BNC2: variants seen among roughly 807,000 people sequenced by gnomAD.
The protein encoded by BNC2 is zinc finger protein basonuclin-2.
BNC2 carries 20 observed loss-of-function variants against 76.3 expected under a neutral mutation model. The ratio of observed to expected loss-of-function variants is 0.26; its 90% CI spans 0.18 to 0.38. The LOEUF (loss-of-function observed/expected upper bound fraction) is 0.38, where lower values mean the gene tolerates loss of function less well. Among genes scored for constraint, BNC2 ranks in the 10% least tolerant of loss-of-function variants. The probability of loss-of-function intolerance (pLI) is 1.00; values close to 1 mark genes in which losing one functional copy is unlikely to be tolerated. For missense variants in BNC2, 1,382 were observed against 1,399.8 expected, an observed-to-expected ratio of 0.99 and a Z score of 0.20; for synonymous variants, 582 against 514.8, an observed-to-expected ratio of 1.13 and a Z score of -1.77.
At chr9:16,614,507 G>A (rs1476672791) in intron 3 of BNC2, among the ~76,000 whole-genome samples, 1 of 150,482 alleles carries the variant, frequency 6.6e-6, no homozygotes, top group Non-Finnish European at 1.5e-5. Context: ...CCATGTAAAT[G>A]CCTTCACTAT....
At chr9:16,616,231 A>G (rs1326192991) in intron 3 of BNC2, among the ~76,000 whole-genome samples, 1 of 151,936 alleles carries the variant, frequency 6.6e-6, no homozygotes, top group Admixed American at 6.6e-5. Context: ...TACATAATAA[A>G]AAATAAATAA....
intron 6 of BNC2, among the ~76,000 whole-genome samples, chr9:16,420,575 A>G (rs2119079085): frequency 6.6e-6 from 1 of 152,254 alleles, no homozygotes; most frequent in East Asian, 1.9e-4. Flanking sequence ...AAGCACAACA[A>G]TAACATAGGG....
At position 16,415,102 on chromosome 9, in the gene BNC2, A is replaced by G. The variant is rs757507137; in HGVS notation, c.*3887T>C. ...TGTTTGCCATGTTGAAAAGGAAAACATTAACACCTTTAAACCTTTAAAAGG... is the reference window on the plus strand; with the variant it reads ...TGTTTGCCATGTTGAAAAGGAAAACGTTAACACCTTTAAACCTTTAAAAGG... On this transcript the variant is annotated 3_prime_UTR_variant, in exon 7 of 7. Coordinates refer to ENST00000380672, the MANE Select transcript of BNC2 (RefSeq NM_017637.6). The G allele has an allele frequency of 6.6e-6, 1 of 152,202 alleles. No individual in the cohort carries two copies. Among genetic ancestry groups the G allele is most frequent in the Non-Finnish European group, 1.5e-5 (1 of 68,044 alleles). The allele number at this position is 152,202 out of a possible 1,614,324, so 9.4% of individuals were successfully genotyped here.
In BNC2 at chr9:16,639,257, A is replaced by C. The variant is rs1378901079; in HGVS notation, c.331-56172T>G. Among the ~76,000 whole-genome samples, 6 of 152,326 alleles carry C rather than the reference A, an allele frequency of 3.9e-5. No individual in the cohort carries two copies. In the East Asian group the frequency reaches 7.7e-4, roughly 20 times the overall value. Reference sequence around the variant, plus strand: ...ACAGAAATAATGAAAATTTATATTCATAACAATGTTGTTATTGGTCTCTGT... The same window carrying C: ...ACAGAAATAATGAAAATTTATATTCCTAACAATGTTGTTATTGGTCTCTGT... On this transcript the variant is annotated intron_variant, in intron 3 of 6. Coordinates refer to ENST00000380672, the MANE Select transcript of BNC2 (RefSeq NM_017637.6).
intron 1 of BNC2, among the ~76,000 whole-genome samples, chr9:16,846,874 T>G (rs1245551100): frequency 6.6e-6 from 1 of 152,204 alleles, no homozygotes; most frequent in African/African-American, 2.4e-5. Flanking sequence ...GCCATCAATT[T>G]CCAATTCACA....
At position 16,469,992 on chromosome 9, in the gene BNC2, C is replaced by CTTT. The variant is rs201134930; in HGVS notation, c.670-32471_670-32469dup. On this transcript the variant is annotated intron_variant, in intron 5 of 6. Transcript: ENST00000380672. ...ACACTTGCATGCTGCTAATGGCATT[C>CTTT]TTTTTTTTTTTTTTTTTTTTTTTGA... 2.6e-3 allele frequency among the ~76,000 whole-genome samples: 297 copies of CTTT among 114,940 alleles called. 5 individuals carry two copies. The highest frequency in any genetic ancestry group is 5.5e-3 in the African/African-American group (149 of 27,338). 75.4% of individuals were successfully genotyped at this position (114,940 alleles called of 152,430 possible). A position where few individuals can be genotyped will look rare whatever the true frequency, so the allele number is the denominator to read the frequency against.
chr9:16,491,703 C>T (rs1467931946), intron 5 of BNC2, among the ~76,000 whole-genome samples: 3 of 152,146 alleles, frequency 2.0e-5, no homozygotes, highest in Non-Finnish European at 4.4e-5. Context: ...ATACCTTGTT[C>T]ACATGTGCAC....
At chr9:16,543,797 T>C (rs568196702) in intron 5 of BNC2, among the ~76,000 whole-genome samples, 1 of 152,290 alleles carries the variant, frequency 6.6e-6, no homozygotes, top group African/African-American at 2.4e-5. Context: ...TCACGGTAAC[T>C]TTAAAACCAA....
At chr9:16,611,939 CTCTT>C (rs1820558894) in intron 3 of BNC2, among the ~76,000 whole-genome samples, 1 of 152,142 alleles carries the variant, frequency 6.6e-6, no homozygotes, top group African/African-American at 2.4e-5. Flanking sequence ...ATAACCTAGT[CTCTT>C]TCTTCTAACT....
intron 1 of BNC2, among the ~76,000 whole-genome samples, chr9:16,797,805 T>G (rs1038226117): frequency 6.6e-6 from 1 of 151,992 alleles, no homozygotes; most frequent in Non-Finnish European, 1.5e-5. Context: ...ACAACTCCAG[T>G]CTACCAGTGT....
intron 3 of BNC2, among the ~76,000 whole-genome samples, chr9:16,620,697 A>C (rs1346870628): frequency 6.6e-6 from 1 of 152,208 alleles, no homozygotes; most frequent in African/African-American, 2.4e-5. Flanking sequence ...TTTCAGTGTT[A>C]AGTGCAGAAA....
chr9:16,507,451 C>T (rs949615465), intron 5 of BNC2, among the ~76,000 whole-genome samples: 3 of 151,792 alleles, frequency 2.0e-5, no homozygotes, highest in South Asian at 2.1e-4. Flanking sequence ...TTTTTTGAGA[C>T]GAAGTCTCAC....
At chr9:16,528,959 G>A (rs536953368) in intron 5 of BNC2, among the ~76,000 whole-genome samples, 1 of 152,206 alleles carries the variant, frequency 6.6e-6, no homozygotes, top group Non-Finnish European at 1.5e-5. Flanking sequence ...CAATTGAGGT[G>A]TGAGTAGGGC....
intron 5 of BNC2, among the ~76,000 whole-genome samples, chr9:16,522,924 T>C (rs1287296948): frequency 6.6e-6 from 1 of 152,024 alleles, no homozygotes; most frequent in East Asian, 1.9e-4. Context: ...CCTAAAACCA[T>C]GATGGGAAAG....
At chr9:16,665,137 G>T (rs564015594) in intron 3 of BNC2, 2 of 452,444 alleles carry the variant, frequency 4.4e-6, no homozygotes, top group East Asian at 1.4e-4. Context: ...GGAAGTCCAA[G>T]ACGGGTGGAT....
intron 1 of BNC2, among the ~76,000 whole-genome samples, chr9:16,848,778 A>G (rs1023660604): frequency 7.9e-5 from 12 of 152,216 alleles, no homozygotes; most frequent in Admixed American, 7.2e-4. Flanking sequence ...AAATCATAAA[A>G]TGCTCTAAAA....
intron 5 of BNC2, among the ~76,000 whole-genome samples, chr9:16,505,127 T>C (rs1043724336): frequency 2.6e-5 from 4 of 152,142 alleles, no homozygotes; most frequent in African/African-American, 7.2e-5. Flanking sequence ...TCTGGGAAGA[T>C]AAATGAGATA....
intron 3 of BNC2, among the ~76,000 whole-genome samples, chr9:16,657,311 C>G (rs1044577884): frequency 6.6e-6 from 1 of 152,018 alleles, no homozygotes. Context: ...TGAACTGGAA[C>G]AATGAAGAGT....
chr9:16,468,664 TA>T (rs1167749150), intron 5 of BNC2, among the ~76,000 whole-genome samples: 1 of 151,968 alleles, frequency 6.6e-6, no homozygotes, highest in Non-Finnish European at 1.5e-5. Context: ...GTGCTGGGAT[TA>T]CAGGTGTGAG....
Sources: gnomAD v4.1 joint callset for allele counts (sites outside exome capture counted in the v4.1 genomes callset) on GRCh38, gnomAD v4.1.1 for gene constraint, MANE v1.5 for transcripts, NCBI Gene and HGNC (gene_info 2026-07-23, HGNC 2026-07-21) for gene names.